The following TANGO6 variants were observed in gnomAD, a reference collection of about 807,000 sequenced individuals.
TANGO6 encodes transport and Golgi organization protein 6 homolog.
Under a neutral mutation model 114.2 loss-of-function variants are expected in TANGO6, and 90 were observed. The observed-to-expected ratio is 0.79, with a 90% CI of 0.66 to 0.94. The LOEUF (loss-of-function observed/expected upper bound fraction) is 0.94, where lower values mean the gene tolerates loss of function less well. Ranked by LOEUF, TANGO6 falls within the 40% of genes least tolerant of loss-of-function variation. TANGO6 has a pLI of 0.00. For missense variants in TANGO6, 1,274 were observed against 1,315.3 expected (o/e 0.97, Z 0.49); for synonymous variants, 477 against 509.8 (o/e 0.94, Z 0.87).
intron 14 of TANGO6, among the ~76,000 whole-genome samples, chr16:68,953,063 T>G (rs1963488972): frequency 6.8e-6 from 1 of 146,524 alleles, no homozygotes; most frequent in African/African-American, 2.5e-5. Flanking sequence ...ATTATTATTA[T>G]TATTATTATT....
At chr16:69,050,528 C>CA (rs1959932194) in intron 17 of TANGO6, among the ~76,000 whole-genome samples, 1 of 150,070 alleles carries the variant, frequency 6.7e-6, no homozygotes, top group African/African-American at 2.5e-5. Flanking sequence ...CTTGCTCTGT[C>CA]ACCCAGGCTG....
At chr16:69,050,967 G>A (rs1959938963) in intron 17 of TANGO6, among the ~76,000 whole-genome samples, 1 of 151,464 alleles carries the variant, frequency 6.6e-6, no homozygotes, top group African/African-American at 2.4e-5. Context: ...CAATTTCTTT[G>A]CCCATTTTTT....
At chr16:68,906,783 TTTC>T (rs1391826428) in intron 9 of TANGO6, among the ~76,000 whole-genome samples, 25 of 148,126 alleles carry the variant, frequency 1.7e-4, no homozygotes, top group Admixed American at 4.8e-4. Flanking sequence ...AACCGCCTAG[TTTC>T]TTCTTCTTTT....
intron 16 of TANGO6, among the ~76,000 whole-genome samples, chr16:69,039,323 G>A (rs1035331318): frequency 5.9e-4 from 82 of 138,608 alleles, no homozygotes; most frequent in Middle Eastern, 7.4e-3. Flanking sequence ...GCGAGACTCC[G>A]TCTCAAAAAA....
chr16:68,922,939 GTTTTTTTT>G (rs531603542), intron 12 of TANGO6, among the ~76,000 whole-genome samples: 6 of 79,052 alleles, frequency 7.6e-5, no homozygotes, highest in African/African-American at 2.1e-4. Flanking sequence ...CTTAGGTCAT[GTTTTTTTT>G]TTTTTTTTTT....
intron 2 of TANGO6, among the ~76,000 whole-genome samples, chr16:68,860,999 A>G (rs1465418305): frequency 2.6e-5 from 4 of 152,152 alleles, no homozygotes; most frequent in African/African-American, 7.2e-5. Context: ...AACTCTGTCA[A>G]TGTTCATTGT....
chr16:68,906,313 G>C (rs1470453511), intron 9 of TANGO6, among the ~76,000 whole-genome samples: 1 of 151,982 alleles, frequency 6.6e-6, no homozygotes, highest in African/African-American at 2.4e-5. Flanking sequence ...TCTTATCTCG[G>C]CTAATTGGTT....
chr16:68,983,656 C>G (rs932476322), intron 15 of TANGO6, among the ~76,000 whole-genome samples: 2 of 152,140 alleles, frequency 1.3e-5, no homozygotes, highest in Non-Finnish European at 2.9e-5. Context: ...TCTCCAAACC[C>G]TGCAGTTGAG....
intron 11 of TANGO6, among the ~76,000 whole-genome samples, chr16:68,915,869 A>G (rs1962996748): frequency 6.6e-6 from 1 of 152,198 alleles, no homozygotes; most frequent in African/African-American, 2.4e-5. Flanking sequence ...AGAATTAAAC[A>G]TGCAAGCTTG....
intron 15 of TANGO6, among the ~76,000 whole-genome samples, chr16:68,981,431 G>A (rs948804858): frequency 2.0e-5 from 3 of 151,832 alleles, no homozygotes; most frequent in Non-Finnish European, 4.4e-5. Context: ...GGCTGGTCTC[G>A]ACCTCCTGAC....
chr16:68,936,354 T>A (rs944898100), intron 14 of TANGO6, among the ~76,000 whole-genome samples: 1 of 152,198 alleles, frequency 6.6e-6, no homozygotes, highest in East Asian at 1.9e-4. Flanking sequence ...TTTCTTTTTT[T>A]GAGACAGAGT....
At chr16:68,914,234 T>C (rs1962968198) in intron 11 of TANGO6, among the ~76,000 whole-genome samples, 1 of 152,236 alleles carries the variant, frequency 6.6e-6, no homozygotes, top group Non-Finnish European at 1.5e-5. Context: ...TGATCTCGGC[T>C]TACCGCAACC....
At chr16:68,889,562 G>T (rs1037820900) in intron 7 of TANGO6, among the ~76,000 whole-genome samples, 4 of 152,130 alleles carry the variant, frequency 2.6e-5, no homozygotes, top group African/African-American at 9.7e-5. Flanking sequence ...CCCTGCACTG[G>T]CAATAATTCT....
chr16:69,062,597 C>T (rs1366600826), intron 17 of TANGO6, among the ~76,000 whole-genome samples: 7 of 151,384 alleles, frequency 4.6e-5, no homozygotes, highest in South Asian at 2.1e-4. Context: ...CTCAGCCTCC[C>T]GAGTAGCTGG....
intron 14 of TANGO6, among the ~76,000 whole-genome samples, chr16:68,955,895 A>G (rs1322185722): frequency 6.6e-6 from 1 of 152,188 alleles, no homozygotes; most frequent in African/African-American, 2.4e-5. Flanking sequence ...CACATCTGTA[A>G]TCCCAACACT....
intron 9 of TANGO6, among the ~76,000 whole-genome samples, chr16:68,905,608 C>T (rs78242811): frequency 1.3e-5 from 2 of 151,956 alleles, no homozygotes; most frequent in Non-Finnish European, 2.9e-5. Flanking sequence ...GTATCTTTGT[C>T]TCTTGTCAGA....
chr16:68,915,381 C>G (rs1468210423), intron 11 of TANGO6, among the ~76,000 whole-genome samples: 2 of 152,124 alleles, frequency 1.3e-5, no homozygotes, highest in Admixed American at 6.6e-5. Context: ...ATCCTCCCAC[C>G]TCAGCTTCCT....
At chr16:68,939,984 G>T (rs371456715) in intron 14 of TANGO6, among the ~76,000 whole-genome samples, 1 of 151,886 alleles carries the variant, frequency 6.6e-6, no homozygotes, top group East Asian at 1.9e-4. Flanking sequence ...GCTGGATTCT[G>T]ATTTGGTCTG....
intron 12 of TANGO6, among the ~76,000 whole-genome samples, chr16:68,924,507 G>T (rs1193405045): frequency 2.7e-5 from 4 of 150,418 alleles, no homozygotes; most frequent in African/African-American, 9.8e-5. Context: ...AGGCTCCTCA[G>T]CTGGGCACGG....
Sources: gnomAD v4.1 joint callset for allele counts (sites outside exome capture counted in the v4.1 genomes callset) on GRCh38, gnomAD v4.1.1 for gene constraint, MANE v1.5 for transcripts, NCBI Gene and HGNC (gene_info 2026-07-23, HGNC 2026-07-21) for gene names.